Variants in ADGRG1 observed in about 807,000 individuals in gnomAD.
The protein encoded by ADGRG1 is adhesion G protein-coupled receptor G1.
In ADGRG1, 53 loss-of-function variants were observed where a neutral mutation model predicts 73.5. The observed-to-expected ratio is 0.72, with a 90% CI of 0.58 to 0.91. ADGRG1 has a LOEUF of 0.91. Ranked by LOEUF, ADGRG1 falls within the 40% of genes least tolerant of loss-of-function variation. ADGRG1 has a pLI of 0.00. For synonymous variants in ADGRG1, 394 were observed against 374.4 expected (o/e 1.05, Z -0.60); for missense variants, 795 against 871.8 (o/e 0.91, Z 1.11).
chr16:57,627,018 C>A, upstream of ADGRG1: 1 of 983,898 alleles, frequency 1.0e-6, no homozygotes, highest in Non-Finnish European at 1.2e-6. Context: ...TGCCTCCCTG[C>A]CCCAGGTATT....
At chr16:57,624,162 G>A (rs2035397754), upstream of ADGRG1, 1 of 980,464 alleles carries the variant, frequency 1.0e-6, no homozygotes, top group Admixed American at 6.2e-5. Flanking sequence ...CACTCAGCTT[G>A]CAAGGGGAGA....
At chr16:57,653,158 C>T in intron 3 of ADGRG1, 45 bp from the exon 4 acceptor site, 2 of 1,601,118 alleles carry the variant, frequency 1.2e-6, no homozygotes, top group Non-Finnish European at 8.5e-7. Context: ...GGTCCTGGGA[C>T]CTGAATCGGC....
intron 1 of ADGRG1, chr16:57,631,893 G>A (rs1430845069): frequency 1.0e-6 from 1 of 967,990 alleles, no homozygotes; most frequent in Non-Finnish European, 1.2e-6. Flanking sequence ...GGACTGCTGG[G>A]TAGAGGGGCC....
chr16:57,660,337 T>C (rs2046779276), intron 11 of ADGRG1: 2 of 985,122 alleles, frequency 2.0e-6, no homozygotes, highest in Non-Finnish European at 2.4e-6. Flanking sequence ...GTCAGGACTT[T>C]GTGTTTGGAG....
At position 57,628,849 on chromosome 16, in the gene ADGRG1, A is replaced by AGT. The variant is rs1319984434; in HGVS notation, c.-36+51_-36+52dup. 4 of 983,492 alleles carry AGT rather than the reference A, an allele frequency of 4.1e-6. No homozygotes were observed. The African/African-American group carries it at 5.3e-5, about 13-fold the overall frequency. 60.9% of individuals were successfully genotyped at this position (983,492 alleles called of 1,614,324 possible). On this transcript the variant is annotated intron_variant, in intron 1 of 13. Transcript: ENST00000562631. The stretch of plus-strand genomic sequence containing the variant: ...AGCAGGTGGGAAGGGGAATAGTGTG[A>AGT]GTGTGAGAGTGTGAGTGTGTGAGCG...
intron 5 of ADGRG1, chr16:57,655,105 G>A: frequency 1.0e-6 from 1 of 985,298 alleles, no homozygotes; most frequent in Non-Finnish European, 1.2e-6. Context: ...CCCCAAGTTG[G>A]CTGCTGTAGG....
At chr16:57,628,900 G>T in intron 1 of ADGRG1, 98 bp downstream of exon 1, 1 of 899,250 alleles carries the variant, frequency 1.1e-6, no homozygotes, top group Non-Finnish European at 1.3e-6. Context: ...GTGAGTGTGT[G>T]AGTGTGAGTG....
chr16:57,632,497 T>C (rs115738393), intron 1 of ADGRG1, among the ~76,000 whole-genome samples: 2,535 of 152,322 alleles, frequency 0.017, 28 homozygotes, highest in Middle Eastern at 0.048. Context: ...TTAAGCCTTT[T>C]TTTAATACCT....
chr16:57,626,530 A>G (rs543831554), upstream of ADGRG1: 2,419 of 949,734 alleles, frequency 2.5e-3, 1 homozygote, highest in Non-Finnish European at 2.9e-3. Flanking sequence ...GGTCTCTGCA[A>G]AGTCCGACGG....
At chr16:57,657,587 A>C (rs111646614) in intron 10 of ADGRG1, 96 bp downstream of exon 10, 1 of 952,556 alleles carries the variant, frequency 1.0e-6, no homozygotes, top group African/African-American at 1.6e-5. Context: ...GCCCGCCCGC[A>C]TGACCTGGAA....
At chr16:57,659,939 G>A (rs747387576) in intron 11 of ADGRG1, among the ~76,000 whole-genome samples, 6 of 152,192 alleles carry the variant, frequency 3.9e-5, no homozygotes, top group African/African-American at 4.8e-5. Context: ...CAGGGCCACC[G>A]TGTGTGAATG....
chr16:57,628,269 G>C (rs1199235517), upstream of ADGRG1: 3 of 819,726 alleles, frequency 3.7e-6, no homozygotes, highest in African/African-American at 5.5e-5. Context: ...GCATCCAAGG[G>C]CCCTGTTGCC....
At chr16:57,652,345 C>G (rs1444444542) in intron 3 of ADGRG1, among the ~76,000 whole-genome samples, 1 of 151,576 alleles carries the variant, frequency 6.6e-6, no homozygotes, top group African/African-American at 2.4e-5. Flanking sequence ...TCCAGCACCT[C>G]AAGTTTGAGG....
chr16:57,626,605 T>C (rs1373535346), upstream of ADGRG1: 1 of 985,328 alleles, frequency 1.0e-6, no homozygotes, highest in Non-Finnish European at 1.2e-6. Flanking sequence ...AAGCCTCTCC[T>C]ATGTGGCCAG....
At position 57,659,251 on chromosome 16, in the gene ADGRG1, G is replaced by A; in HGVS notation, c.1287-162G>A. 2.0e-6 allele frequency: 3 copies of A among 1,493,588 alleles called. No individual in the cohort carries two copies. The South Asian group carries it at 4.0e-5, about 20-fold the overall frequency. 92.5% of individuals were successfully genotyped at this position (1,493,588 alleles called of 1,614,324 possible). A position where few individuals can be genotyped will look rare whatever the true frequency, so the allele number is the denominator to read the frequency against. ...CAGTAGGTGCACAGGGGGATGTGGG[G>A]AACAGTTTGGCTGCAGCCACAGGAA... On this transcript the variant is annotated intron_variant, in intron 10 of 13. Transcript: ENST00000562631.
intron 1 of ADGRG1, chr16:57,637,633 C>T: frequency 1.0e-6 from 1 of 985,296 alleles, no homozygotes; most frequent in South Asian, 4.7e-5. Flanking sequence ...TCCTCTTCCT[C>T]CGGGGGCCAA....
chr16:57,632,492 C>T (rs1298870022), intron 1 of ADGRG1, among the ~76,000 whole-genome samples: 1 of 152,204 alleles, frequency 6.6e-6, no homozygotes, highest in Non-Finnish European at 1.5e-5. Flanking sequence ...GAATGTTAAG[C>T]CTTTTTTTAA....
rs983772559 is a variant in ADGRG1 at position 57,664,676 on chromosome 16, C to T, written c.*1094C>T. On this transcript the variant is annotated 3_prime_UTR_variant, in exon 14 of 14. Transcript: ENST00000562631. ...GCCCATCATGGTTAATTCTGTCCAA[C>T]AAACACACACGGGTAGATTGCTGGC... The T allele has an allele frequency of 6.5e-6, 1 of 152,792 alleles. No homozygotes were observed. Among genetic ancestry groups the T allele is most frequent in the Non-Finnish European group, 1.5e-5 (1 of 68,086 alleles). The allele number at this position is 152,792 out of a possible 1,614,324, so 9.5% of individuals were successfully genotyped here.
At chr16:57,628,881 TGTGAGAGTGTGAGTGTGTGA>T in intron 1 of ADGRG1, 79 bp downstream of exon 1, 1 of 882,668 alleles carries the variant, frequency 1.1e-6, no homozygotes. Flanking sequence ...AGCGTGAGTG[TGTGAGAGTGTGAGTGTGTGA>T]GTGTGAGTGT....
Sources: allele counts gnomAD v4.1 joint callset (sites outside exome capture counted in the v4.1 genomes callset), GRCh38; gene constraint gnomAD v4.1.1; transcripts MANE v1.5; gene names NCBI Gene and HGNC (gene_info 2026-07-23, HGNC 2026-07-21).